The following ADAMTS12 variants were observed in gnomAD, a reference collection of about 807,000 sequenced individuals.
ADAMTS12 encodes A disintegrin and metalloproteinase with thrombospondin motifs 12.
ADAMTS12 carries 118 observed loss-of-function variants against 167.8 expected under a neutral mutation model. The ratio of observed to expected loss-of-function variants is 0.70; its 90% CI spans 0.61 to 0.82. ADAMTS12 has a LOEUF of 0.82. Among genes scored for constraint, ADAMTS12 ranks in the 40% least tolerant of loss-of-function variants. ADAMTS12 has a pLI of 0.00. For missense variants in ADAMTS12, 1,916 were observed against 1,998.8 expected (o/e 0.96, Z 0.79); for synonymous variants, 704 against 716.9 (o/e 0.98, Z 0.29).
chr5:33,764,283 C>A (rs1034062010), intron 2 of ADAMTS12, among the ~76,000 whole-genome samples: 1 of 152,218 alleles, frequency 6.6e-6, no homozygotes, highest in African/African-American at 2.4e-5. Context: ...AATTTCTGTT[C>A]ATCATCTTAG....
intron 19 of ADAMTS12, among the ~76,000 whole-genome samples, chr5:33,562,806 A>G (rs1168096498): frequency 6.6e-6 from 1 of 152,116 alleles, no homozygotes; most frequent in Non-Finnish European, 1.5e-5. Flanking sequence ...TAACTTTTGT[A>G]TATTTAGTAG....
intron 19 of ADAMTS12, among the ~76,000 whole-genome samples, chr5:33,570,581 G>C (rs1710879825): frequency 6.6e-6 from 1 of 151,960 alleles, no homozygotes; most frequent in African/African-American, 2.4e-5. Flanking sequence ...TGCCCTAAAA[G>C]AGCTCCTGAA....
At chr5:33,608,350 T>A (rs1038629676) in intron 16 of ADAMTS12, among the ~76,000 whole-genome samples, 1 of 152,210 alleles carries the variant, frequency 6.6e-6, no homozygotes. Flanking sequence ...CAGAGTTCGA[T>A]CATTTTAACA....
intron 2 of ADAMTS12, among the ~76,000 whole-genome samples, chr5:33,795,981 T>G (rs1407791138): frequency 1.3e-5 from 2 of 152,252 alleles, no homozygotes; most frequent in Non-Finnish European, 2.9e-5. Flanking sequence ...AATTTGCAAC[T>G]TTTATTTTCT....
At chr5:33,732,644 G>A (rs1339914919) in intron 3 of ADAMTS12, among the ~76,000 whole-genome samples, 1 of 152,158 alleles carries the variant, frequency 6.6e-6, no homozygotes, top group Non-Finnish European at 1.5e-5. Context: ...TTTGTCCAAT[G>A]CTGGCAAAAG....
At chr5:33,821,297 T>G (rs1396556179) in intron 2 of ADAMTS12, among the ~76,000 whole-genome samples, 4 of 152,200 alleles carry the variant, frequency 2.6e-5, no homozygotes, top group African/African-American at 9.7e-5. Context: ...ATTCCTTTAT[T>G]TACTTTCAAA....
At chr5:33,629,408 T>C (rs1376735583) in intron 13 of ADAMTS12, among the ~76,000 whole-genome samples, 1 of 152,222 alleles carries the variant, frequency 6.6e-6, no homozygotes, top group Non-Finnish European at 1.5e-5. Context: ...TTTACAAATC[T>C]GTTTTCTAAG....
chr5:33,540,462 C>T (rs1744637956), intron 22 of ADAMTS12, among the ~76,000 whole-genome samples: 1 of 152,210 alleles, frequency 6.6e-6, no homozygotes, highest in Non-Finnish European at 1.5e-5. Flanking sequence ...CAGTGGTTCT[C>T]CCAGCATGGT....
At chr5:33,757,522 A>G (rs1298034838) in intron 2 of ADAMTS12, among the ~76,000 whole-genome samples, 1 of 152,156 alleles carries the variant, frequency 6.6e-6, no homozygotes, top group Non-Finnish European at 1.5e-5. Context: ...ATATCAACCT[A>G]CATGTCCCTC....
chr5:33,669,139 G>A (rs1025700383), intron 5 of ADAMTS12, among the ~76,000 whole-genome samples: 21 of 152,020 alleles, frequency 1.4e-4, no homozygotes, highest in East Asian at 1.9e-4. Flanking sequence ...ATAAACTTTC[G>A]AACAAATAAA....
At chr5:33,693,696 C>A (rs911416042) in intron 3 of ADAMTS12, among the ~76,000 whole-genome samples, 1 of 152,208 alleles carries the variant, frequency 6.6e-6, no homozygotes, top group Non-Finnish European at 1.5e-5. Context: ...CTATGATATA[C>A]CCACAGCTAA....
rs10058339 is a variant in ADAMTS12, at chr5:33,546,019, A to G, written c.4446+40T>C. The G allele has an allele frequency of 1.5e-3, 2,372 of 1,576,160 alleles. 27 individuals carry two copies. The African/African-American group carries it at 0.026, about 17-fold the overall frequency. On this transcript the variant is annotated intron_variant, in intron 22 of 23. Coordinates refer to ENST00000504830, the MANE Select transcript of ADAMTS12 (RefSeq NM_030955.4). ...AGAACTTAAAGTATTAAAAAAAAAA[A>G]AAAGCTAAAGTAAAAAAAGTATGTA...
At chr5:33,573,835 G>A (rs896108925) in intron 19 of ADAMTS12, among the ~76,000 whole-genome samples, 13 of 152,102 alleles carry the variant, frequency 8.5e-5, no homozygotes, top group African/African-American at 2.9e-4. Context: ...GAAAATGTTC[G>A]CAACCTACTC....
At chr5:33,713,862 A>T (rs1478624090) in intron 3 of ADAMTS12, among the ~76,000 whole-genome samples, 1 of 152,156 alleles carries the variant, frequency 6.6e-6, no homozygotes, top group Non-Finnish European at 1.5e-5. Flanking sequence ...TTTGGGAGAC[A>T]TTAAAAAACC....
intron 1 of ADAMTS12, among the ~76,000 whole-genome samples, chr5:33,883,265 C>A (rs1169220862): frequency 1.3e-5 from 2 of 150,324 alleles, no homozygotes; most frequent in Non-Finnish European, 1.5e-5. Flanking sequence ...ATTAAAATAA[C>A]TGGGCTTGAT....
intron 14 of ADAMTS12, 113 bp downstream of exon 14, chr5:33,624,118 G>A: frequency 6.8e-7 from 1 of 1,477,282 alleles, no homozygotes; most frequent in Non-Finnish European, 9.1e-7. Flanking sequence ...TGAATACTTT[G>A]AAAATCACAG....
At chr5:33,885,781 G>A (rs181558892) in intron 1 of ADAMTS12, among the ~76,000 whole-genome samples, 293 of 152,360 alleles carry the variant, frequency 1.9e-3, no homozygotes, top group African/African-American at 6.8e-3. Flanking sequence ...GGCAGCTAGA[G>A]TAGAGCTCGA....
chr5:33,849,408 C>A (rs528257638), intron 2 of ADAMTS12, among the ~76,000 whole-genome samples: 134 of 129,408 alleles, frequency 1.0e-3, no homozygotes, highest in East Asian at 4.0e-3. Context: ...ATATGTATTG[C>A]ACAGCAATAT....
intron 5 of ADAMTS12, among the ~76,000 whole-genome samples, chr5:33,667,347 C>T (rs1032656737): frequency 7.4e-5 from 11 of 148,760 alleles, no homozygotes; most frequent in South Asian, 2.1e-4. Flanking sequence ...AAAGATTTCT[C>T]GCTTACAGAG....
Sources: allele counts gnomAD v4.1 joint callset (sites outside exome capture counted in the v4.1 genomes callset), GRCh38; gene constraint gnomAD v4.1.1; transcripts MANE v1.5; gene names NCBI Gene and HGNC (gene_info 2026-07-23, HGNC 2026-07-21).